The following ANKH variants were observed in gnomAD, a reference collection of about 807,000 sequenced individuals.
The protein encoded by ANKH is mineralization regulator ANKH.
In ANKH, 15 loss-of-function variants were observed where a neutral mutation model predicts 49.0. The ratio of observed to expected loss-of-function variants is 0.31; its 90% CI spans 0.20 to 0.47. The LOEUF (loss-of-function observed/expected upper bound fraction) is 0.47. Ranked by LOEUF, ANKH falls within the 20% of genes least tolerant of loss-of-function variation. The pLI is 1.00. For missense variants in ANKH, 429 were observed against 652.0 expected (o/e 0.66, Z 3.72); for synonymous variants, 273 against 260.0 (o/e 1.05, Z -0.48).
chr5:14,772,575 A>C (rs1389478210), intron 1 of ANKH, among the ~76,000 whole-genome samples: 1 of 152,198 alleles, frequency 6.6e-6, no homozygotes, highest in Non-Finnish European at 1.5e-5. Context: ...CCCTGATGGA[A>C]TACATTAACA....
chr5:14,823,275 T>G (rs1741246944), intron 1 of ANKH, among the ~76,000 whole-genome samples: 1 of 152,210 alleles, frequency 6.6e-6, no homozygotes, highest in African/African-American at 2.4e-5. Flanking sequence ...ATAAGTTTAG[T>G]TCATTTATTT....
At chr5:14,774,163 T>C (rs1457492168) in intron 1 of ANKH, among the ~76,000 whole-genome samples, 1 of 152,240 alleles carries the variant, frequency 6.6e-6, no homozygotes, top group African/African-American at 2.4e-5. Flanking sequence ...ATGTTTTCTT[T>C]TGATACCAGA....
intron 8 of ANKH, chr5:14,724,567 A>C: frequency 1.0e-6 from 1 of 985,460 alleles, no homozygotes; most frequent in Non-Finnish European, 1.2e-6. Context: ...ACTATGCTAC[A>C]GTCCGAAACA....
At chr5:14,711,350 G>T (rs1172431173) in intron 11 of ANKH, 40 bp from the exon 12 acceptor site, 1 of 1,556,426 alleles carries the variant, frequency 6.4e-7, no homozygotes, top group Non-Finnish European at 8.9e-7. Context: ...GCTGTGGATG[G>T]GGACACTGCA....
chr5:14,842,650 G>A (rs541746023), intron 1 of ANKH, among the ~76,000 whole-genome samples: 41 of 152,278 alleles, frequency 2.7e-4, no homozygotes, highest in South Asian at 2.5e-3. Flanking sequence ...AGTTTACAGT[G>A]TCCTGAGAAA....
Position 14,749,305 on chromosome 5 carries a change from C to A in ANKH, c.689G>T (p.Gly230Val). ...CAGCATCTTTCTTATTGTTGCATCT[C>A]CCTGTGTTAAGAAACGAAGATAAAA... ...IPDRSGPELG[G>V]DATIRKMLSF... Residue 230 changes from glycine to valine, a missense_variant and splice_region_variant, in exon 6 of 12, where the codon GGA becomes GTA. By Grantham distance (109) the Gly-to-Val change is moderately radical. Around this residue, in one of 2 missense-constraint regions of ANKH, gnomAD observed 378 missense variants for 615.3 expected, o/e 0.61. Transcript: ENST00000284268. The A allele has an allele frequency of 6.2e-7, 1 of 1,614,154 alleles. No homozygotes were observed. Among genetic ancestry groups the A allele is most frequent in the South Asian group, 1.1e-5 (1 of 91,080 alleles).
rs572995828 is a variant in ANKH at position 14,731,107 on chromosome 5, T to C, written c.1011+10720A>G. Among the ~76,000 whole-genome samples the C allele has an allele frequency of 3.9e-5, 6 of 152,156 alleles. No homozygotes were observed. In the East Asian group the frequency reaches 1.2e-3, roughly 29 times the overall value. On this transcript the variant is annotated intron_variant, in intron 8 of 11. Coordinates refer to ENST00000284268, the MANE Select transcript of ANKH (RefSeq NM_054027.6). ...GGCCCAACACGGGCGTGAAAGGCCATGTCGTCCTCCGGGGGCAGCGGCCAG... is the reference window on the plus strand; with the variant it reads ...GGCCCAACACGGGCGTGAAAGGCCACGTCGTCCTCCGGGGGCAGCGGCCAG...
At chr5:14,712,006 G>A (rs914352898) in intron 11 of ANKH, among the ~76,000 whole-genome samples, 2 of 152,158 alleles carry the variant, frequency 1.3e-5, no homozygotes, top group Admixed American at 6.5e-5. Context: ...CCACCTTTTC[G>A]ATGTCCTGTC....
intron 1 of ANKH, among the ~76,000 whole-genome samples, chr5:14,861,271 C>A (rs966626289): frequency 6.6e-6 from 1 of 152,192 alleles, no homozygotes; most frequent in African/African-American, 2.4e-5. Context: ...GCCACCTTTC[C>A]TTCTCACGTC....
At chr5:14,802,081 T>C (rs1687396761) in intron 1 of ANKH, among the ~76,000 whole-genome samples, 1 of 152,158 alleles carries the variant, frequency 6.6e-6, no homozygotes, top group South Asian at 2.1e-4. Context: ...ACCGGGTCAA[T>C]GTTCCTACCT....
Position 14,737,224 on chromosome 5 carries a change from AT to A in ANKH, c.1011+4602del, listed in dbSNP as rs1228441336. Among the ~76,000 whole-genome samples, 1 of 152,104 alleles carries A rather than the reference AT, an allele frequency of 6.6e-6. No individual in the cohort carries two copies. Among genetic ancestry groups the A allele is most frequent in the Non-Finnish European group, 1.5e-5 (1 of 68,014 alleles). On this transcript the variant is annotated intron_variant, in intron 8 of 11. Transcript: ENST00000284268. This position sits in a 1 kb window ranked among gnomAD's most constrained non-coding sequence, Gnocchi z 5.0. Reference sequence around the variant, plus strand: ...GGGAGGTCCGTCACTCTTTTGGGACATTTCTTCCCCACCAAAAGGACTGTTG... The same window carrying A: ...GGGAGGTCCGTCACTCTTTTGGGACATTCTTCCCCACCAAAAGGACTGTTG...
Position 14,709,247 on chromosome 5 carries a change from C to T in ANKH, c.*1950G>A, listed in dbSNP as rs999418358. ...CAACCCCAGAAGCATGAAAGTCACA[C>T]ATGTTAAAAAATACTGTTTAATTTT... On this transcript the variant is annotated 3_prime_UTR_variant, in exon 12 of 12. Coordinates refer to ENST00000284268, the MANE Select transcript of ANKH (RefSeq NM_054027.6). 6.6e-6 allele frequency: 1 copy of T among 152,078 alleles called. No individual in the cohort carries two copies. The highest frequency in any genetic ancestry group is 2.1e-4 in the South Asian group (1 of 4,822). 9.4% of individuals were successfully genotyped at this position (152,078 alleles called of 1,614,324 possible).
At chr5:14,735,675 G>A (rs1396078881) in intron 8 of ANKH, among the ~76,000 whole-genome samples, 1 of 152,120 alleles carries the variant, frequency 6.6e-6, no homozygotes, top group Non-Finnish European at 1.5e-5. Context: ...TAGCTCCTGG[G>A]CTGAGGCAGC....
At chr5:14,711,403 G>GA in intron 11 of ANKH, 93 bp from the exon 12 acceptor site, 1 of 1,094,260 alleles carries the variant, frequency 9.1e-7, no homozygotes, top group South Asian at 1.2e-5. Flanking sequence ...GGTCTTGGGG[G>GA]ACCCCTCACT....
chr5:14,831,789 C>T (rs1741514065), intron 1 of ANKH, among the ~76,000 whole-genome samples: 2 of 152,152 alleles, frequency 1.3e-5, no homozygotes, highest in Non-Finnish European at 2.9e-5. Flanking sequence ...CAGTGTTTTC[C>T]TCAACCTACA....
chr5:14,825,725 TGAG>T (rs1741320075), intron 1 of ANKH, among the ~76,000 whole-genome samples: 1 of 152,148 alleles, frequency 6.6e-6, no homozygotes, highest in Non-Finnish European at 1.5e-5. Context: ...AAGATGGCAA[TGAG>T]CTGACTCATC....
chr5:14,763,485 A>G lies in ANKH; in HGVS notation c.314-4887T>C, dbSNP rs114341429. 8.3e-3 allele frequency among the ~76,000 whole-genome samples: 1,262 copies of G among 152,342 alleles called. 14 individuals carry two copies. Among genetic ancestry groups the G allele is most frequent in the African/African-American group, 0.026 (1,076 of 41,588 alleles). ...ATATGGGCTGGGACACAGACATTTA[A>G]TATCACCCATCTATAATCTATACTA... On this transcript the variant is annotated intron_variant, in intron 2 of 11. Coordinates refer to ENST00000284268, the MANE Select transcript of ANKH (RefSeq NM_054027.6).
chr5:14,864,962 T>C (rs1174751783), intron 1 of ANKH, among the ~76,000 whole-genome samples: 4 of 152,064 alleles, frequency 2.6e-5, no homozygotes, highest in Non-Finnish European at 5.9e-5. Context: ...TCAATTATGT[T>C]ATAAAAATAA....
chr5:14,722,979 A>G (rs986689392), intron 8 of ANKH, among the ~76,000 whole-genome samples: 2 of 152,156 alleles, frequency 1.3e-5, no homozygotes, highest in African/African-American at 2.4e-5. Flanking sequence ...CCCAGTCTTA[A>G]TCATAAGACA....
Sources: allele counts gnomAD v4.1 joint callset (sites outside exome capture counted in the v4.1 genomes callset), GRCh38; gene constraint gnomAD v4.1.1; regional missense constraint gnomAD v4.1.1; non-coding constraint Gnocchi (gnomAD v3.1); transcripts MANE v1.5; gene names NCBI Gene and HGNC (gene_info 2026-07-23, HGNC 2026-07-21).